The following CELSR1 variants were observed in gnomAD, a reference collection of about 807,000 sequenced individuals.
CELSR1 encodes the protein cadherin EGF LAG seven-pass G-type receptor 1, also known as adhesion G protein-coupled receptor C1.
In CELSR1, 110 loss-of-function variants were observed where a neutral mutation model predicts 249.1. That is an observed-to-expected ratio of 0.44 (90% CI 0.38 to 0.52). CELSR1 has a LOEUF of 0.52. Ranked by LOEUF, CELSR1 falls within the 20% of genes least tolerant of loss-of-function variation. The pLI is 0.00. For missense variants in CELSR1, 4,109 were observed against 4,296.4 expected (o/e 0.96, Z 1.22); for synonymous variants, 2,113 against 1,900.0 (o/e 1.11, Z -2.92).
intron 2 of CELSR1, among the ~76,000 whole-genome samples, chr22:46,461,184 G>A (rs2080022555): frequency 6.6e-6 from 1 of 152,200 alleles, no homozygotes; most frequent in Admixed American, 6.5e-5. Flanking sequence ...GAGGGACGGA[G>A]TAGAAATAAT....
Position 46,369,784 on chromosome 22 carries a change from G to A in CELSR1, c.7780C>T (p.Pro2594Ser), listed in dbSNP as rs368486498. The change falls in exon 26 of 35, where the codon CCC (proline) becomes TCC (serine). Residue 2594 changes from proline (P) to serine (S), a missense_variant. Coordinates refer to ENST00000674500, the MANE Select transcript of CELSR1 (RefSeq NM_001378328.1). ...IVTGLAVGLDPQGYGNPDFCW... is the reference protein window; with the variant it reads ...IVTGLAVGLDSQGYGNPDFCW... Reference sequence around the variant, plus strand: ...AAGTCGGGGTTCCCGTAGCCCTGGGGGTCCAGGCCGACCGCCAGTCCTGAA... The same window carrying A: ...AAGTCGGGGTTCCCGTAGCCCTGGGAGTCCAGGCCGACCGCCAGTCCTGAA... The A allele has an allele frequency of 7.4e-6, 12 of 1,613,142 alleles. 1 individual carries two copies. The South Asian group carries it at 9.9e-5, about 13-fold the overall frequency.
Position 46,534,639 on chromosome 22 carries a change from C to A in CELSR1, c.2532G>T (p.Met844Ile), listed in dbSNP as rs779479816. 9.3e-6 allele frequency: 15 copies of A among 1,613,810 alleles called. No homozygotes were observed. The highest frequency in any genetic ancestry group is 1.3e-5 in the Non-Finnish European group (15 of 1,180,034). Residue 844 changes from methionine (M) to isoleucine (I), a missense_variant, in exon 1 of 35, where the codon ATG becomes ATT. Around this residue, in one of 7 missense-constraint regions of CELSR1, gnomAD observed 886 missense variants for 896.5 expected, o/e 0.99. Transcript: ENST00000674500. The surrounding 1 kb of genome is among the most constrained non-coding windows in gnomAD (Gnocchi z 9.7). ...CATAGTCCAGCTCCATCATGGTGTA[C>A]ATGGTGCCACTGTCGGGGTCAATGC... ...QFRIDPDSGT[M>I]YTMMELDYEN... is the part of the protein sequence containing the mutation.
chr22:46,503,117 C>T (rs1418172282), intron 1 of CELSR1, among the ~76,000 whole-genome samples: 4 of 152,158 alleles, frequency 2.6e-5, no homozygotes, highest in Non-Finnish European at 4.4e-5. Context: ...TAAGTGGCCT[C>T]GGATGGCCTC....
rs1295340971 is a variant in CELSR1, at chr22:46,380,828, G to C, written c.7216C>G (p.Arg2406Gly). 1 of 1,611,414 alleles carries C rather than the reference G, an allele frequency of 6.2e-7. No homozygotes were observed. Among genetic ancestry groups the C allele is most frequent in the Admixed American group, 1.7e-5 (1 of 60,002 alleles). ...CAGAACACGCAGACAGGCTTGGTTC[G>C]CTCCTCCACCTCCAGCAGGGCGAAC... is the stretch of plus-strand genomic sequence containing the variant. ...VEFALLEVEE[R>G]TKPVCVFWNH... Residue 2406 changes from arginine (R) to glycine (G), a missense_variant, in exon 22 of 35, where the codon CGA (arginine) becomes GGA (glycine). This residue lies in a region of CELSR1 where 1,805 missense variants were observed against 1,831.6 expected (regional missense o/e 0.99). Coordinates refer to ENST00000674500, the MANE Select transcript of CELSR1 (RefSeq NM_001378328.1). The surrounding 1 kb of genome is among the most constrained non-coding windows in gnomAD (Gnocchi z 5.1).
Position 46,410,643 on chromosome 22 carries a change from G to A in CELSR1, c.4770-82C>T, listed in dbSNP as rs1033009547. ...GGCTGGGCTCCGCAGTTGCCTCTGT[G>A]TAGCCTCTACCACCATAACTACTTC... On this transcript the variant is annotated intron_variant, in intron 6 of 34. Coordinates refer to ENST00000674500, the MANE Select transcript of CELSR1 (RefSeq NM_001378328.1). The surrounding 1 kb of genome is among the most constrained non-coding windows in gnomAD (Gnocchi z 6.8). 7.0e-7 allele frequency: 1 copy of A among 1,436,550 alleles called. No homozygotes were observed. The highest frequency in any genetic ancestry group is 1.2e-5 in the South Asian group (1 of 83,156). 89.0% of individuals were successfully genotyped at this position (1,436,550 alleles called of 1,614,324 possible).
chr22:46,397,573 G>C (rs1267459417), intron 12 of CELSR1, 101 bp downstream of exon 12: 1 of 1,101,476 alleles, frequency 9.1e-7, no homozygotes, highest in African/African-American at 1.6e-5. Flanking sequence ...GAACCACAGG[G>C]AGTTGGCTGG....
chr22:46,536,019 G>C lies in CELSR1; in HGVS notation c.1152C>G (p.Ile384Met). The change falls in exon 1 of 35, where the codon ATC becomes ATG. Residue 384 changes from isoleucine to methionine, a missense_variant. Ile to Met is a conservative substitution (Grantham distance 10). Around this residue, in one of 7 missense-constraint regions of CELSR1, gnomAD observed 673 missense variants for 636.8 expected, o/e 1.06. Transcript: ENST00000674500. ...ACACGCGGTAACGCAAGTTGGCGTT[G>C]ATGGGCGAGTCGCGGTCGCTGGCGC... The part of the protein sequence containing the change: ...TIRASDRDSP[I>M]NANLRYRVLG... The C allele has an allele frequency of 6.2e-7, 1 of 1,610,668 alleles. No individual in the cohort carries two copies. Among genetic ancestry groups the C allele is most frequent in the Non-Finnish European group, 8.5e-7 (1 of 1,179,926 alleles).
At chr22:46,474,703 A>C (rs1278466809) in intron 1 of CELSR1, among the ~76,000 whole-genome samples, 4 of 139,246 alleles carry the variant, frequency 2.9e-5, no homozygotes, top group Non-Finnish European at 6.1e-5. Flanking sequence ...GTAACTTTGT[A>C]CTCTTTGACC....
chr22:46,478,548 T>TC (rs1185118045), intron 1 of CELSR1, among the ~76,000 whole-genome samples: 1 of 151,364 alleles, frequency 6.6e-6, no homozygotes, highest in Non-Finnish European at 1.5e-5. Context: ...GATGAGAATT[T>TC]TTTTTTTTTT....
In CELSR1 at chr22:46,409,460, G is replaced by A. The variant is rs989466946; in HGVS notation, c.5059+295C>T. On this transcript the variant is annotated intron_variant, in intron 8 of 34. Transcript: ENST00000674500. This position sits in a 1 kb window ranked among gnomAD's most constrained non-coding sequence, Gnocchi z 9.8. Reference sequence around the variant, plus strand: ...CAGGCTTGACAGGAGGCAGACGGGGGCGGGTTCAGGATCCCTGGGCTCCGT... The same window carrying A: ...CAGGCTTGACAGGAGGCAGACGGGGACGGGTTCAGGATCCCTGGGCTCCGT... Among the ~76,000 whole-genome samples the A allele has an allele frequency of 1.3e-5, 2 of 152,196 alleles. No homozygotes were observed. Among genetic ancestry groups the A allele is most frequent in the African/African-American group, 2.4e-5 (1 of 41,456 alleles).
At chr22:46,379,986 A>G (rs905208161) in intron 22 of CELSR1, among the ~76,000 whole-genome samples, 1 of 152,210 alleles carries the variant, frequency 6.6e-6, no homozygotes, top group Non-Finnish European at 1.5e-5. Flanking sequence ...CAACCAGCAG[A>G]GAAAAGGCAA....
intron 1 of CELSR1, among the ~76,000 whole-genome samples, chr22:46,510,132 C>T (rs765662875): frequency 3.9e-5 from 6 of 152,382 alleles, no homozygotes; most frequent in South Asian, 4.1e-4. Flanking sequence ...GGACGGCCCA[C>T]GTGGCACCCT....
chr22:46,473,709 G>A lies in CELSR1; in HGVS notation c.3545-9364C>T, dbSNP rs538656098. On this transcript the variant is annotated intron_variant, in intron 1 of 34. Transcript: ENST00000674500. The surrounding 1 kb of genome is among the most constrained non-coding windows in gnomAD (Gnocchi z 6.6). ...CACAGGGTGCGTGCCTGTCCTTCCCGAGGCCTTCACAGCAGGCAGGGAGGG... is the reference window on the plus strand; with the variant it reads ...CACAGGGTGCGTGCCTGTCCTTCCCAAGGCCTTCACAGCAGGCAGGGAGGG... Among the ~76,000 whole-genome samples the A allele has an allele frequency of 2.9e-4, 44 of 152,172 alleles. No homozygotes were observed. Among genetic ancestry groups the A allele is most frequent in the Non-Finnish European group, 5.3e-4 (36 of 68,024 alleles).
chr22:46,521,614 C>T (rs1294131680), intron 1 of CELSR1, among the ~76,000 whole-genome samples: 4 of 151,968 alleles, frequency 2.6e-5, no homozygotes, highest in Non-Finnish European at 4.4e-5. Context: ...GTCAGGAATT[C>T]GAGACCATCC....
intron 18 of CELSR1, among the ~76,000 whole-genome samples, chr22:46,387,166 T>C (rs922946675): frequency 6.6e-6 from 1 of 152,224 alleles, no homozygotes; most frequent in African/African-American, 2.4e-5. Context: ...TTCATATTCT[T>C]AGCTTAATTT....
intron 1 of CELSR1, among the ~76,000 whole-genome samples, chr22:46,502,836 G>A (rs1188745095): frequency 6.6e-6 from 1 of 152,060 alleles, no homozygotes; most frequent in African/African-American, 2.4e-5. Context: ...GGCCAAAATC[G>A]GCAGCAAGGC....
rs2079175877 is a variant in CELSR1 at position 46,398,523 on chromosome 22, C to A, written c.5526+1G>T. 6.2e-7 allele frequency: 1 copy of A among 1,605,048 alleles called. No individual in the cohort carries two copies. The highest frequency in any genetic ancestry group is 8.5e-7 in the Non-Finnish European group (1 of 1,175,276). On this transcript the variant is annotated splice_donor_variant, in intron 11 of 34. Coordinates refer to ENST00000674500, the MANE Select transcript of CELSR1 (RefSeq NM_001378328.1). LOFTEE classifies it high-confidence loss of function. This position sits in a 1 kb window ranked among gnomAD's most constrained non-coding sequence, Gnocchi z 7.2. The stretch of plus-strand genomic sequence containing the variant: ...CCCCGCCCCCCACAACCCCCACGCA[C>A]CTGCATGCAGCCTCGGAATCCACGG...
In CELSR1 at chr22:46,457,354, A is replaced by G. The variant is rs375418416; in HGVS notation, c.4183+6353T>C. 8.5e-3 allele frequency among the ~76,000 whole-genome samples: 1,283 copies of G among 151,626 alleles called. 5 individuals are homozygous for G. Among genetic ancestry groups the G allele is most frequent in the African/African-American group, 0.011 (457 of 41,216 alleles). ...AGCAAGACTCATCTCGGGGGCGGGG[A>G]AAAAGATTATTCTCGCAGCCCCTGG... is the stretch of plus-strand genomic sequence containing the variant. On this transcript the variant is annotated intron_variant, in intron 2 of 34. Coordinates refer to ENST00000674500, the MANE Select transcript of CELSR1 (RefSeq NM_001378328.1).
At chr22:46,371,810 A>ATC in intron 25 of CELSR1, among the ~76,000 whole-genome samples, 1 of 143,302 alleles carries the variant, frequency 7.0e-6, no homozygotes, top group East Asian at 2.1e-4. Context: ...CCATCCATCC[A>ATC]CTCACTCATC....
Sources: allele counts gnomAD v4.1 joint callset (sites outside exome capture counted in the v4.1 genomes callset), GRCh38; gene constraint gnomAD v4.1.1; regional missense constraint gnomAD v4.1.1; non-coding constraint Gnocchi (gnomAD v3.1); transcripts MANE v1.5; gene names NCBI Gene and HGNC (gene_info 2026-07-23, HGNC 2026-07-21).